Variants in INSL6 observed in about 807,000 individuals in gnomAD.
The protein encoded by INSL6 is insulin like 6, also known as insulin-like peptide INSL6.
INSL6 carries 16 observed loss-of-function variants against 9.4 expected under a neutral mutation model. The observed-to-expected ratio is 1.70, with a 90% CI of 1.15 to 2.59. The LOEUF is 2.59. INSL6 is among the 30% of genes most tolerant of loss of function. INSL6 has a pLI of 0.00. For missense variants in INSL6, 391 were observed against 257.3 expected (o/e 1.52, Z -3.56); for synonymous variants, 154 against 96.9 (o/e 1.59, Z -3.46).
At chr9:5,166,224 G>GT (rs773985854) in intron 1 of INSL6, among the ~76,000 whole-genome samples, 11 of 151,980 alleles carry the variant, frequency 7.2e-5, no homozygotes, top group African/African-American at 1.4e-4. Context: ...TTTTTGTTTT[G>GT]TTTTTTTAAG....
At chr9:5,085,469 C>G in the INSL6 span, 2 of 727,050 alleles carry the variant, frequency 2.8e-6, no homozygotes, top group East Asian at 2.7e-5. Context: ...AGGTATTGTG[C>G]AAATCTCTCA....
chr9:5,021,326 T>C, the INSL6 span, among the ~76,000 whole-genome samples: 2 of 152,236 alleles, frequency 1.3e-5, no homozygotes, highest in African/African-American at 4.8e-5. Context: ...CTAGTCAACC[T>C]TCTGGACCCC....
At chr9:5,111,105 C>A in the INSL6 span, 2 of 1,221,840 alleles carry the variant, frequency 1.6e-6, no homozygotes, top group East Asian at 2.9e-5. Context: ...GCGACCAGAA[C>A]AGCTCCTCCT....
At chr9:5,087,046 G>T in the INSL6 span, among the ~76,000 whole-genome samples, 1 of 152,076 alleles carries the variant, frequency 6.6e-6, no homozygotes, top group Admixed American at 6.6e-5. Flanking sequence ...AAAAAAATCA[G>T]ATATAAATCT....
At chr9:5,101,748 C>T in the INSL6 span, among the ~76,000 whole-genome samples, 4 of 152,144 alleles carry the variant, frequency 2.6e-5, no homozygotes, top group Admixed American at 6.5e-5. Context: ...CTGCAGATAC[C>T]GAGGCAAACA....
chr9:5,162,893 A>T (rs975465180), downstream of INSL6, among the ~76,000 whole-genome samples: 10 of 152,194 alleles, frequency 6.6e-5, no homozygotes, highest in African/African-American at 2.4e-4. Context: ...ATGGGTACGA[A>T]GTAGGAATTC....
chr9:5,029,709 T>G, the INSL6 span: 2 of 1,346,254 alleles, frequency 1.5e-6, no homozygotes, highest in Non-Finnish European at 2.0e-6. Flanking sequence ...TTAGCTTCAT[T>G]TCAAATTATA....
At chr9:5,027,185 G>C in the INSL6 span, among the ~76,000 whole-genome samples, 2 of 152,132 alleles carry the variant, frequency 1.3e-5, no homozygotes, top group Non-Finnish European at 2.9e-5. Flanking sequence ...AGTCTCAGCA[G>C]TTATATTTTA....
chr9:4,995,536 A>G, the INSL6 span, among the ~76,000 whole-genome samples: 1 of 152,198 alleles, frequency 6.6e-6, no homozygotes. Flanking sequence ...CTGCTGTGAA[A>G]TGCTGGTGTT....
chr9:5,142,767 G>C (rs1824528228), intron 2 of INSL6, among the ~76,000 whole-genome samples: 1 of 152,134 alleles, frequency 6.6e-6, no homozygotes, highest in Non-Finnish European at 1.5e-5. Context: ...GGGCATCCTT[G>C]TTTTGTGCCA....
chr9:4,993,674 T>C, the INSL6 span, among the ~76,000 whole-genome samples: 7 of 152,206 alleles, frequency 4.6e-5, no homozygotes, highest in Non-Finnish European at 8.8e-5. Context: ...TGAGGGCTCT[T>C]AGGCTCCCAT....
At chr9:5,136,332 G>A (rs1050600963) in intron 2 of INSL6, among the ~76,000 whole-genome samples, 3 of 152,128 alleles carry the variant, frequency 2.0e-5, no homozygotes, top group Non-Finnish European at 4.4e-5. Flanking sequence ...GAGAATTTTA[G>A]GCCGATATCC....
the INSL6 span, among the ~76,000 whole-genome samples, chr9:5,027,131 C>G: frequency 6.6e-5 from 10 of 152,312 alleles, no homozygotes; most frequent in South Asian, 6.2e-4. Context: ...TAGAGGACAA[C>G]TGAAGAAACC....
chr9:5,101,978 A>C, the INSL6 span, among the ~76,000 whole-genome samples: 4 of 152,216 alleles, frequency 2.6e-5, no homozygotes, highest in East Asian at 7.7e-4. Context: ...AATTCTAAAA[A>C]CCAGAGGGCC....
chr9:5,098,433 T>C, the INSL6 span: 16 of 152,174 alleles, frequency 1.1e-4, no homozygotes, highest in Non-Finnish European at 2.1e-4. Context: ...TTATAATTAT[T>C]TTCCTAATTA....
chr9:4,999,206 G>A, the INSL6 span, among the ~76,000 whole-genome samples: 1 of 152,160 alleles, frequency 6.6e-6, no homozygotes, highest in Non-Finnish European at 1.5e-5. Flanking sequence ...TTTGACTTCG[G>A]TAGCCCTTAA....
chr9:5,159,383 C>G (rs1304324296), downstream of INSL6, among the ~76,000 whole-genome samples: 1 of 150,770 alleles, frequency 6.6e-6, no homozygotes, highest in Non-Finnish European at 1.5e-5. Flanking sequence ...AAAAAAGGAT[C>G]GAACAACCTC....
chr9:5,103,851 G>C, the INSL6 span, among the ~76,000 whole-genome samples: 1 of 152,096 alleles, frequency 6.6e-6, no homozygotes, highest in Admixed American at 6.5e-5. Context: ...CAGATATAAA[G>C]ATGTTCTTTG....
At chr9:5,120,367 A>G (rs879459290), downstream of INSL6, among the ~76,000 whole-genome samples, 3 of 152,238 alleles carry the variant, frequency 2.0e-5, no homozygotes, top group Non-Finnish European at 2.9e-5. Context: ...AGCAAACACT[A>G]AATCTGAAGT....
Sources: gnomAD v4.1 joint callset for allele counts (sites outside exome capture counted in the v4.1 genomes callset) on GRCh38, gnomAD v4.1.1 for gene constraint, MANE v1.5 for transcripts, NCBI Gene and HGNC (gene_info 2026-07-23, HGNC 2026-07-21) for gene names.